Variants in CDH13 observed in about 807,000 individuals in gnomAD.
CDH13 encodes the protein cadherin 13.
Under a neutral mutation model 63.8 loss-of-function variants are expected in CDH13, and 24 were observed. That is an observed-to-expected ratio of 0.38 (90% CI 0.27 to 0.53). The LOEUF is 0.53. Among genes scored for constraint, CDH13 ranks in the 20% least tolerant of loss-of-function variants. The probability of loss-of-function intolerance (pLI) is 0.85; values close to 1 mark genes in which losing one functional copy is unlikely to be tolerated. For missense variants in CDH13, 1,049 were observed against 903.1 expected, an observed-to-expected ratio of 1.16 and a Z score of -2.07; for synonymous variants, 503 against 355.3, an observed-to-expected ratio of 1.42 and a Z score of -4.67.
chr16:83,524,145 G>C (rs545522004), intron 7 of CDH13, among the ~76,000 whole-genome samples: 1 of 152,296 alleles, frequency 6.6e-6, no homozygotes, highest in Admixed American at 6.5e-5. Flanking sequence ...CACTAGATTT[G>C]TTTCCACAGA....
In CDH13 at chr16:83,032,142, A is replaced by G. The variant is rs769320614; in HGVS notation, c.290A>G (p.His97Arg). The change falls in exon 3 of 14, where the codon CAT (histidine) becomes CGT (arginine). Residue 97 changes from histidine to arginine, a missense_variant. By Grantham distance (29) the His-to-Arg change is conservative. Coordinates refer to ENST00000567109, the MANE Select transcript of CDH13 (RefSeq NM_001257.5). ...ITAVGKTLFV[H>R]ARTPHAEDMA... Reference sequence around the variant, plus strand: ...GCAGTGGGCAAAACTCTGTTCGTCCATGCACGGACCCCCCATGCGGAAGAT... The same window carrying G: ...GCAGTGGGCAAAACTCTGTTCGTCCGTGCACGGACCCCCCATGCGGAAGAT... 4 of 1,613,604 alleles carry G rather than the reference A, an allele frequency of 2.5e-6. No homozygotes were observed. The African/African-American group carries it at 4.0e-5, about 16-fold the overall frequency.
intron 3 of CDH13, among the ~76,000 whole-genome samples, chr16:83,034,638 G>T (rs1409125685): frequency 6.6e-6 from 1 of 152,188 alleles, no homozygotes; most frequent in Non-Finnish European, 1.5e-5. Context: ...GGGCTTGAAT[G>T]CATTTAGATG....
At chr16:83,486,129 C>A (rs1024394638) in intron 6 of CDH13, among the ~76,000 whole-genome samples, 2 of 98,628 alleles carry the variant, frequency 2.0e-5, no homozygotes, top group African/African-American at 4.2e-5. Context: ...GGTGACAGAG[C>A]GAGACTCTGT....
intron 5 of CDH13, among the ~76,000 whole-genome samples, chr16:83,257,361 TTATA>T (rs1464109706): frequency 6.6e-6 from 1 of 152,026 alleles, no homozygotes; most frequent in African/African-American, 2.4e-5. Context: ...AATAAGAAAT[TTATA>T]TAAGGAGTAT....
intron 2 of CDH13, among the ~76,000 whole-genome samples, chr16:82,998,073 A>G (rs1263416044): frequency 1.3e-5 from 2 of 152,208 alleles, no homozygotes; most frequent in African/African-American, 4.8e-5. Context: ...AGAGTTGGTG[A>G]CCAGCTCAAA....
At chr16:83,689,231 C>G (rs1904607815) in intron 10 of CDH13, among the ~76,000 whole-genome samples, 1 of 152,012 alleles carries the variant, frequency 6.6e-6, no homozygotes, top group Admixed American at 6.6e-5. Flanking sequence ...AAAATATTGA[C>G]AAATGTTAAT....
chr16:83,584,781 G>A (rs571551544), intron 7 of CDH13, among the ~76,000 whole-genome samples: 1 of 152,176 alleles, frequency 6.6e-6, no homozygotes, highest in African/African-American at 2.4e-5. Flanking sequence ...GGTTCTGCAG[G>A]TTGTACAGGA....
chr16:83,413,164 C>T (rs1282915635), intron 6 of CDH13, among the ~76,000 whole-genome samples: 1 of 152,108 alleles, frequency 6.6e-6, no homozygotes, highest in Admixed American at 6.5e-5. Context: ...TACTCAAATG[C>T]AAAGGCACGG....
chr16:83,159,882 C>T (rs545300092), intron 4 of CDH13, among the ~76,000 whole-genome samples: 2 of 152,168 alleles, frequency 1.3e-5, no homozygotes, highest in South Asian at 4.2e-4. Flanking sequence ...CAAGACCAGC[C>T]TGGCCAACAT....
At chr16:82,702,629 C>T (rs1472667851) in intron 1 of CDH13, among the ~76,000 whole-genome samples, 1 of 152,116 alleles carries the variant, frequency 6.6e-6, no homozygotes, top group Admixed American at 6.6e-5. Flanking sequence ...TATTCTTTCC[C>T]CCACTCAAAT....
chr16:82,708,737 A>G (rs959875569), intron 1 of CDH13, among the ~76,000 whole-genome samples: 12 of 152,142 alleles, frequency 7.9e-5, no homozygotes, highest in African/African-American at 2.9e-4. Flanking sequence ...CGCTTATCCA[A>G]TCAGATGACG....
intron 6 of CDH13, among the ~76,000 whole-genome samples, chr16:83,408,670 G>T (rs1173444801): frequency 1.3e-5 from 2 of 152,232 alleles, no homozygotes; most frequent in Non-Finnish European, 2.9e-5. Context: ...AGCAATGACT[G>T]TACTTAAGTA....
At chr16:83,685,679 G>A (rs2150882557) in intron 10 of CDH13, among the ~76,000 whole-genome samples, 1 of 152,298 alleles carries the variant, frequency 6.6e-6, no homozygotes, top group South Asian at 2.1e-4. Context: ...AAGAAGGAAT[G>A]AAATAAATTG....
intron 6 of CDH13, among the ~76,000 whole-genome samples, chr16:83,441,348 T>C (rs1423831961): frequency 6.6e-6 from 1 of 152,234 alleles, no homozygotes; most frequent in Non-Finnish European, 1.5e-5. Flanking sequence ...ACAATACATT[T>C]ACAATTGGCA....
chr16:83,487,916 A>T (rs150885736), intron 7 of CDH13, among the ~76,000 whole-genome samples: 8 of 152,192 alleles, frequency 5.3e-5, no homozygotes, highest in African/African-American at 1.2e-4. Context: ...GTCCTCATCC[A>T]CCTGATTCTT....
At chr16:83,191,736 A>G (rs1445715637) in intron 4 of CDH13, among the ~76,000 whole-genome samples, 1 of 151,774 alleles carries the variant, frequency 6.6e-6, no homozygotes, top group Non-Finnish European at 1.5e-5. Context: ...CGAAAGATGT[A>G]GGCTGGGAGG....
chr16:82,890,329 C>G (rs2041035064), intron 2 of CDH13, among the ~76,000 whole-genome samples: 2 of 152,194 alleles, frequency 1.3e-5, no homozygotes, highest in African/African-American at 2.4e-5. Context: ...AAAGACCCAG[C>G]CCTTTCAGTA....
intron 4 of CDH13, among the ~76,000 whole-genome samples, chr16:83,149,739 A>C (rs144447795): frequency 6.6e-6 from 1 of 152,308 alleles, no homozygotes; most frequent in East Asian, 1.9e-4. Context: ...CATTGGAAGC[A>C]CTGGGGTGCT....
chr16:83,207,367 C>G (rs1157797151), intron 4 of CDH13, among the ~76,000 whole-genome samples: 1 of 152,224 alleles, frequency 6.6e-6, no homozygotes, highest in African/African-American at 2.4e-5. Flanking sequence ...TTTCATTTAG[C>G]ATAATGTCCT....
Sources: gnomAD v4.1 joint callset for allele counts (sites outside exome capture counted in the v4.1 genomes callset) on GRCh38, gnomAD v4.1.1 for gene constraint, MANE v1.5 for transcripts, NCBI Gene and HGNC (gene_info 2026-07-23, HGNC 2026-07-21) for gene names.